Variants in EYA3 observed in about 807,000 individuals in gnomAD.
The protein encoded by EYA3 is EYA transcriptional coactivator and phosphatase 3, also known as protein phosphatase EYA3.
In EYA3, 39 loss-of-function variants were observed where a neutral mutation model predicts 80.0. The ratio of observed to expected loss-of-function variants is 0.49; its 90% CI spans 0.38 to 0.64. The LOEUF is 0.64. EYA3 is among the 30% of genes least tolerant of loss of function. The probability of loss-of-function intolerance (pLI) is 0.00; values close to 1 mark genes in which losing one functional copy is unlikely to be tolerated. For synonymous variants in EYA3, 206 were observed against 232.8 expected (o/e 0.88, Z 1.05); for missense variants, 523 against 676.1 (o/e 0.77, Z 2.51).
At chr1:27,987,144 C>G (rs1174562244) in intron 16 of EYA3, among the ~76,000 whole-genome samples, 3 of 152,224 alleles carry the variant, frequency 2.0e-5, no homozygotes, top group Non-Finnish European at 2.9e-5. Flanking sequence ...TGGCAATTAT[C>G]ATTCTACTTT....
intron 12 of EYA3, among the ~76,000 whole-genome samples, chr1:27,998,615 G>A (rs1047008847): frequency 1.3e-5 from 2 of 151,406 alleles, no homozygotes; most frequent in Admixed American, 6.6e-5. Flanking sequence ...TGCTCACGCC[G>A]GTAATCCCAG....
chr1:27,977,526 ACT>A, intron 17 of EYA3: 1 of 893,614 alleles, frequency 1.1e-6, no homozygotes, highest in East Asian at 2.8e-5. Context: ...TATAGCCAAG[ACT>A]CTTTCATCTA....
At chr1:28,052,365 A>C (rs1012004710) in intron 2 of EYA3, among the ~76,000 whole-genome samples, 4 of 152,192 alleles carry the variant, frequency 2.6e-5, no homozygotes, top group Non-Finnish European at 2.9e-5. Flanking sequence ...TGGTACTGGC[A>C]TAAGGATGGA....
intron 16 of EYA3, among the ~76,000 whole-genome samples, chr1:27,985,969 G>A (rs1335956106): frequency 6.6e-6 from 1 of 152,102 alleles, no homozygotes; most frequent in Non-Finnish European, 1.5e-5. Flanking sequence ...CTAGTAGTAG[G>A]GAGGCCAGGA....
chr1:28,024,911 CTTAGAG>C (rs1161483840), intron 7 of EYA3, among the ~76,000 whole-genome samples: 2 of 152,112 alleles, frequency 1.3e-5, no homozygotes, highest in Non-Finnish European at 2.9e-5. Context: ...AAAGGTTCTG[CTTAGAG>C]TTAATCAAGC....
chr1:27,992,227 C>A (rs1640118491), intron 14 of EYA3, among the ~76,000 whole-genome samples: 1 of 151,910 alleles, frequency 6.6e-6, no homozygotes, highest in African/African-American at 2.4e-5. Context: ...CTTTTCAGCA[C>A]CAGGGACCAG....
At chr1:28,028,002 C>G in intron 6 of EYA3, 76 bp from the exon 7 acceptor site, 2 of 1,490,198 alleles carry the variant, frequency 1.3e-6, no homozygotes, top group East Asian at 4.6e-5. Context: ...CAAATATCAG[C>G]CAGTAGGTTT....
intron 4 of EYA3, among the ~76,000 whole-genome samples, chr1:28,040,156 T>A (rs1471391162): frequency 6.6e-6 from 1 of 152,172 alleles, no homozygotes; most frequent in African/African-American, 2.4e-5. Context: ...AAGAATCAAG[T>A]AAGTAATATG....
chr1:28,086,257 C>G (rs1645648157), intron 1 of EYA3, among the ~76,000 whole-genome samples: 1 of 151,382 alleles, frequency 6.6e-6, no homozygotes, highest in African/African-American at 2.4e-5. Context: ...ACTCTGTTGC[C>G]TTGTGGAGCG....
In EYA3 at chr1:28,069,780, T is replaced by C. The variant is rs144759330; in HGVS notation, c.-68-11686A>G. On this transcript the variant is annotated intron_variant, in intron 1 of 17. Coordinates refer to ENST00000373871, the MANE Select transcript of EYA3 (RefSeq NM_001990.4). ...CCAGATCCTGTGAATGTTCACTTAT[T>C]TGGAAAAACAGTCTTTGCATATGTT... is the stretch of plus-strand genomic sequence containing the variant. 2.3e-3 allele frequency among the ~76,000 whole-genome samples: 350 copies of C among 152,332 alleles called. 2 individuals are homozygous for C. Among genetic ancestry groups the C allele is most frequent in the African/African-American group, 7.6e-3 (314 of 41,568 alleles).
chr1:28,061,591 G>GTT lies in EYA3; in HGVS notation c.-68-3499_-68-3498dup, dbSNP rs61325259. Among the ~76,000 whole-genome samples the GTT allele has an allele frequency of 4.9e-3, 707 of 144,930 alleles. 1 individual carries two copies. The highest frequency in any genetic ancestry group is 0.036 in the Middle Eastern group (10 of 278). ...TTGTATTAGTTCTAGAATTTAACGT[G>GTT]TTTTTTTTTTTTGTCTTTTGTTTTT... On this transcript the variant is annotated intron_variant, in intron 1 of 17. Transcript: ENST00000373871.
intron 1 of EYA3, among the ~76,000 whole-genome samples, chr1:28,084,411 C>G (rs1000516638): frequency 1.3e-4 from 19 of 151,060 alleles, no homozygotes; most frequent in African/African-American, 4.6e-4. Flanking sequence ...AAGCCATACA[C>G]TTTGTAAAAG....
At chr1:28,032,576 G>A (rs1643212088) in intron 6 of EYA3, among the ~76,000 whole-genome samples, 1 of 152,026 alleles carries the variant, frequency 6.6e-6, no homozygotes, top group Non-Finnish European at 1.5e-5. Flanking sequence ...CAGAACAGTG[G>A]CACCTAAAGG....
At chr1:28,048,854 T>C (rs920977000) in intron 2 of EYA3, among the ~76,000 whole-genome samples, 1 of 152,198 alleles carries the variant, frequency 6.6e-6, no homozygotes, top group South Asian at 2.1e-4. Context: ...AAAATTAATA[T>C]GAATTCTTAT....
chr1:27,974,442 G>C lies in EYA3; in HGVS notation c.*24C>G. ...CCTTCAGGAGTGAAAAGGAGCTCAAGGGGAAGGCTCCTCATTCCAGTTCTT... is the reference window on the plus strand; with the variant it reads ...CCTTCAGGAGTGAAAAGGAGCTCAACGGGAAGGCTCCTCATTCCAGTTCTT... On this transcript the variant is annotated 3_prime_UTR_variant, in exon 18 of 18. Transcript: ENST00000373871. 1 of 1,592,144 alleles carries C rather than the reference G, an allele frequency of 6.3e-7. No homozygotes were observed. The highest frequency in any genetic ancestry group is 8.6e-7 in the Non-Finnish European group (1 of 1,161,424).
At chr1:27,990,984 G>A (rs546409987) in intron 14 of EYA3, among the ~76,000 whole-genome samples, 46 of 151,926 alleles carry the variant, frequency 3.0e-4, no homozygotes, top group African/African-American at 1.1e-3. Flanking sequence ...ATCTTGTTAC[G>A]GGGACACAAT....
chr1:27,989,799 G>T lies in EYA3; in HGVS notation c.1316C>A (p.Pro439His). 1 of 1,601,556 alleles carries T rather than the reference G, an allele frequency of 6.2e-7. No individual in the cohort carries two copies. The highest frequency in any genetic ancestry group is 8.5e-7 in the Non-Finnish European group (1 of 1,171,852). The change falls in exon 15 of 18, where the codon CCC becomes CAC. Residue 439 changes from proline to histidine, a missense_variant. By Grantham distance (77) the Pro-to-His change is moderately conservative. Transcript: ENST00000373871. The part of the protein sequence containing the change: ...HKSNVGGLLS[P>H]QRKEALQRLR... ...TCTCTGCAGTGCTTCCTTCCTCTGG[G>T]GACTGAGGAGACCTTTAGGAATAAA...
intron 1 of EYA3, among the ~76,000 whole-genome samples, chr1:28,081,957 A>G: frequency 6.6e-6 from 1 of 152,262 alleles, no homozygotes; most frequent in South Asian, 2.1e-4. Context: ...AAATTGCAGA[A>G]GCAATTTAAA....
At chr1:27,998,397 A>C in intron 12 of EYA3, 1 of 760,896 alleles carries the variant, frequency 1.3e-6, no homozygotes, top group African/African-American at 1.9e-5. Flanking sequence ...ATTGGCATGT[A>C]GTAGGTTTTC....
Sources: gnomAD v4.1 joint callset for allele counts (sites outside exome capture counted in the v4.1 genomes callset) on GRCh38, gnomAD v4.1.1 for gene constraint, MANE v1.5 for transcripts, NCBI Gene and HGNC (gene_info 2026-07-23, HGNC 2026-07-21) for gene names.